The following COLEC10 variants were observed in gnomAD, a reference collection of about 807,000 sequenced individuals.
The protein encoded by COLEC10 is collectin-10.
A neutral mutation model predicts 28.4 loss-of-function variants in COLEC10; 22 were observed. The observed-to-expected ratio is 0.78, with a 90% CI of 0.55 to 1.11. COLEC10 has a LOEUF of 1.11. Ranked by LOEUF, COLEC10 falls within the 50% of genes least tolerant of loss-of-function variation. The pLI, the probability that COLEC10 is intolerant of heterozygous loss-of-function variation, is 0.00. For synonymous variants in COLEC10, 125 were observed against 116.1 expected (o/e 1.08, Z -0.49); for missense variants, 361 against 344.1 (o/e 1.05, Z -0.39).
chr8:119,092,456 C>T (rs1444016159), intron 3 of COLEC10, among the ~76,000 whole-genome samples: 1 of 152,164 alleles, frequency 6.6e-6, no homozygotes, highest in African/African-American at 2.4e-5. Context: ...TCCCTGTCCT[C>T]CTCTCAGAAA....
chr8:118,998,242 C>T (rs531428401), intron 1 of COLEC10, among the ~76,000 whole-genome samples: 2 of 152,270 alleles, frequency 1.3e-5, no homozygotes, highest in African/African-American at 4.8e-5. Flanking sequence ...TTGCCTTTTA[C>T]CCATGACATA....
At chr8:119,044,065 G>A (rs1022677257) in intron 2 of COLEC10, among the ~76,000 whole-genome samples, 7 of 152,322 alleles carry the variant, frequency 4.6e-5, no homozygotes, top group Admixed American at 4.6e-4. Flanking sequence ...TTAGGCTGTT[G>A]GAAGCACTGA....
chr8:119,032,002 G>A (rs1814297509), intron 2 of COLEC10, among the ~76,000 whole-genome samples: 2 of 152,166 alleles, frequency 1.3e-5, no homozygotes, highest in Admixed American at 1.3e-4. Context: ...CAAAAAACCT[G>A]TGAGGTAAAT....
At chr8:118,987,503 G>T in the COLEC10 span, among the ~76,000 whole-genome samples, 2 of 152,188 alleles carry the variant, frequency 1.3e-5, no homozygotes, top group Non-Finnish European at 2.9e-5. Flanking sequence ...GGCTGAGGTT[G>T]CAGTGAGCCG....
chr8:119,067,531 C>A, intron 1 of COLEC10, 102 bp downstream of exon 1: 2 of 1,081,708 alleles, frequency 1.8e-6, no homozygotes, highest in Non-Finnish European at 2.6e-6. Flanking sequence ...TCTCTCCTCC[C>A]TAGTTTCCTC....
chr8:119,084,832 T>A (rs899366407), intron 1 of COLEC10, among the ~76,000 whole-genome samples: 1 of 152,210 alleles, frequency 6.6e-6, no homozygotes, highest in African/African-American at 2.4e-5. Flanking sequence ...TGGGTTTTTA[T>A]CTTTAATTAT....
At chr8:119,066,138 T>G (rs1237829886), upstream of COLEC10, among the ~76,000 whole-genome samples, 1 of 152,174 alleles carries the variant, frequency 6.6e-6, no homozygotes, top group Non-Finnish European at 1.5e-5. Context: ...CAGCAGTCAG[T>G]CTGTATCAGG....
rs556133638 is a variant in COLEC10 at position 119,098,722 on chromosome 8, A to G, written c.293-3626A>G. Among the ~76,000 whole-genome samples the G allele has an allele frequency of 4.6e-5, 7 of 152,162 alleles. No individual in the cohort carries two copies. In the South Asian group the frequency reaches 6.2e-4, roughly 13 times the overall value. On this transcript the variant is annotated intron_variant, in intron 3 of 5. Coordinates refer to ENST00000332843, the MANE Select transcript of COLEC10 (RefSeq NM_006438.5). ...TTTCTCTTTACTACTCCATATTCCT[A>G]TAAGTACCACTTTTCCTTAATATCA... is the stretch of plus-strand genomic sequence containing the variant.
Position 119,106,445 on chromosome 8 carries a change from C to T in COLEC10, c.*254C>T, listed in dbSNP as rs544897227. On this transcript the variant is annotated 3_prime_UTR_variant, in exon 6 of 6. Transcript: ENST00000332843. Reference sequence around the variant, plus strand: ...GAGAATTTTAATTACTAATTGTGCACGAGATAGTTGGTTGTCTATATGTCA... The same window carrying T: ...GAGAATTTTAATTACTAATTGTGCATGAGATAGTTGGTTGTCTATATGTCA... 13 of 378,450 alleles carry T rather than the reference C, an allele frequency of 3.4e-5. No homozygotes were observed. Among genetic ancestry groups the T allele is most frequent in the Middle Eastern group, 7.9e-4 (1 of 1,270 alleles). 23.4% of individuals were successfully genotyped at this position (378,450 alleles called of 1,614,324 possible). A position where few individuals can be genotyped will look rare whatever the true frequency, so the allele number is the denominator to read the frequency against.
At chr8:119,006,226 G>C (rs1419946329) in intron 1 of COLEC10, among the ~76,000 whole-genome samples, 2 of 152,064 alleles carry the variant, frequency 1.3e-5, no homozygotes, top group Admixed American at 6.6e-5. Context: ...AAGTGGACCT[G>C]AGTAGTGTGA....
rs147575745 is a variant in COLEC10, at chr8:119,050,765, C to T, written n.236-38915C>T. Among the ~76,000 whole-genome samples, 268 of 152,260 alleles carry T rather than the reference C, an allele frequency of 1.8e-3. 1 individual carries two copies. Among genetic ancestry groups the T allele is most frequent in the African/African-American group, 6.3e-3 (260 of 41,548 alleles). On this transcript the variant is annotated intron_variant and non_coding_transcript_variant, in intron 2 of 6. Coordinates refer to the COLEC10 transcript ENST00000521788. ...TGGAAATATATGTCAGTGATTCTGT[C>T]CTAAAATTACTGACATGTTTATAGA...
At chr8:119,077,925 CA>C (rs1180888325) in intron 1 of COLEC10, among the ~76,000 whole-genome samples, 1 of 152,040 alleles carries the variant, frequency 6.6e-6, no homozygotes, top group Non-Finnish European at 1.5e-5. Context: ...GCAGACTGTA[CA>C]AAAAGTTTGG....
intron 1 of COLEC10, among the ~76,000 whole-genome samples, chr8:119,085,599 C>CTTTTTTTTTTTTTTTTTTTTTTTTT (rs66829005): frequency 5.7e-4 from 36 of 63,554 alleles, no homozygotes; most frequent in Non-Finnish European, 7.4e-4. Flanking sequence ...TCTTCTTCTT[C>CTTTTTTTTTTTTTTTTTTTTTTTTT]TTTTTTTTTT....
the COLEC10 span, among the ~76,000 whole-genome samples, chr8:118,987,961 A>T: frequency 6.6e-6 from 1 of 152,152 alleles, no homozygotes; most frequent in Admixed American, 6.6e-5. Flanking sequence ...AGCTGAACAA[A>T]CTAAAAATCA....
At chr8:118,998,734 C>T (rs530225059) in intron 1 of COLEC10, among the ~76,000 whole-genome samples, 1 of 147,266 alleles carries the variant, frequency 6.8e-6, no homozygotes, top group African/African-American at 2.5e-5. Flanking sequence ...GTAGTCCCAT[C>T]TATTTGAGAG....
intron 3 of COLEC10, among the ~76,000 whole-genome samples, chr8:119,094,252 G>GA (rs895856425): frequency 7.3e-5 from 11 of 151,714 alleles, no homozygotes; most frequent in African/African-American, 2.7e-4. Context: ...CTAGTCTGTG[G>GA]AAAAAAAAGT....
chr8:119,070,459 CTCTCTCTCTCTCTCTCTCCTT>C (rs1815083289), intron 1 of COLEC10, among the ~76,000 whole-genome samples: 1 of 138,714 alleles, frequency 7.2e-6, no homozygotes, highest in African/African-American at 2.8e-5. Context: ...CTCTCTCTCT[CTCTCTCTCTCTCTCTCTCCTT>C]CCCCCTCCTT....
intron 2 of COLEC10, among the ~76,000 whole-genome samples, chr8:119,011,985 CT>C (rs1236696775): frequency 6.6e-6 from 1 of 150,700 alleles, no homozygotes; most frequent in Non-Finnish European, 1.5e-5. Flanking sequence ...TCTAGGACTT[CT>C]TTTCAGTATG....
the COLEC10 span, chr8:118,983,018 G>A: frequency 1.3e-5 from 2 of 152,182 alleles, no homozygotes; most frequent in African/African-American, 4.8e-5. Context: ...TGCTTCTTGT[G>A]TCATCATGGT....
Sources: gnomAD v4.1 joint callset for allele counts (sites outside exome capture counted in the v4.1 genomes callset) on GRCh38, gnomAD v4.1.1 for gene constraint, MANE v1.5 for transcripts, NCBI Gene and HGNC (gene_info 2026-07-23, HGNC 2026-07-21) for gene names.